TBC1D1: variants seen among roughly 807,000 people sequenced by gnomAD.
The protein encoded by TBC1D1 is TBC1 (tre-2/USP6, BUB2, cdc16) domain family, member 1.
In TBC1D1, 89 loss-of-function variants were observed where a neutral mutation model predicts 125.6. The observed-to-expected ratio is 0.71, with a 90% CI of 0.60 to 0.85. TBC1D1 has a LOEUF of 0.85. Among genes scored for constraint, TBC1D1 ranks in the 40% least tolerant of loss-of-function variants. The pLI, the probability that TBC1D1 is intolerant of heterozygous loss-of-function variation, is 0.00. For synonymous variants in TBC1D1, 565 were observed against 564.1 expected, an observed-to-expected ratio of 1.00 and a Z score of -0.02; for missense variants, 1,377 against 1,469.2, an observed-to-expected ratio of 0.94 and a Z score of 1.03.
intron 2 of TBC1D1, among the ~76,000 whole-genome samples, chr4:37,920,897 C>T (rs929561640): frequency 5.9e-5 from 9 of 151,744 alleles, no homozygotes; most frequent in Non-Finnish European, 1.2e-4. Context: ...GATCACGAGG[C>T]CAGGAGATTG....
chr4:37,964,923 G>T (rs1730786960), intron 2 of TBC1D1, among the ~76,000 whole-genome samples: 1 of 152,250 alleles, frequency 6.6e-6, no homozygotes, highest in Non-Finnish European at 1.5e-5. Context: ...AGAGCATGGT[G>T]TCTGTCTAGA....
intron 2 of TBC1D1, among the ~76,000 whole-genome samples, chr4:37,990,051 G>C (rs1736240762): frequency 6.6e-6 from 1 of 152,250 alleles, no homozygotes; most frequent in Non-Finnish European, 1.5e-5. Flanking sequence ...GTATTTTGCG[G>C]AAGTTCTTTT....
chr4:37,913,949 A>C (rs2152258446), intron 2 of TBC1D1, among the ~76,000 whole-genome samples: 1 of 152,166 alleles, frequency 6.6e-6, no homozygotes, highest in East Asian at 1.9e-4. Flanking sequence ...ATAGTTTGGC[A>C]AGAGAATGTT....
At chr4:37,914,536 A>G (rs1243259898) in intron 2 of TBC1D1, among the ~76,000 whole-genome samples, 1 of 152,206 alleles carries the variant, frequency 6.6e-6, no homozygotes, top group African/African-American at 2.4e-5. Context: ...GGACTACTGC[A>G]GTGTCTCCAA....
rs1019589726 is a variant in TBC1D1 at position 38,043,621 on chromosome 4, A to G, written c.1414-741A>G. ...AAAAAAAAAGTACCTCCTTGTAAAT[A>G]AGTAACACTAAGACTTCATTTAGTG... On this transcript the variant is annotated intron_variant, in intron 8 of 19. Transcript: ENST00000261439. 5.9e-4 allele frequency among the ~76,000 whole-genome samples: 90 copies of G among 152,134 alleles called. 1 individual carries two copies. Among genetic ancestry groups the G allele is most frequent in the Admixed American group, 5.6e-3 (85 of 15,272 alleles).
rs1056268020 is a variant in TBC1D1 at position 37,908,284 on chromosome 4, C to T, written c.417+5772C>T. ...GCAGTCGTGCAATCTTGGCTCACTG[C>T]AACCTCTGCCTACCGGGTTCAAGAG... is the stretch of plus-strand genomic sequence containing the variant. On this transcript the variant is annotated intron_variant, in intron 2 of 19. Transcript: ENST00000261439. 9.9e-5 allele frequency among the ~76,000 whole-genome samples: 15 copies of T among 152,228 alleles called. 1 individual carries two copies. Among genetic ancestry groups the T allele is most frequent in the African/African-American group, 3.6e-4 (15 of 41,528 alleles).
intron 2 of TBC1D1, among the ~76,000 whole-genome samples, chr4:37,998,562 C>T: frequency 6.6e-6 from 1 of 152,136 alleles, no homozygotes; most frequent in Non-Finnish European, 1.5e-5. Flanking sequence ...TTTCTCTGTC[C>T]CTCCCCTCCT....
At chr4:37,908,707 C>T (rs16994066) in intron 2 of TBC1D1, among the ~76,000 whole-genome samples, 8,650 of 152,126 alleles carry the variant, frequency 0.057, 442 homozygotes, top group African/African-American at 0.14. Context: ...TTCCACCCTG[C>T]TAAAAGAATC....
At chr4:38,123,082 A>G (rs919954503) in intron 17 of TBC1D1, among the ~76,000 whole-genome samples, 1 of 152,206 alleles carries the variant, frequency 6.6e-6, no homozygotes, top group Non-Finnish European at 1.5e-5. Flanking sequence ...TGCTGACAAA[A>G]GTTTCCCAGT....
intron 12 of TBC1D1, among the ~76,000 whole-genome samples, chr4:38,057,436 G>A (rs1300163422): frequency 6.6e-6 from 1 of 152,194 alleles, no homozygotes; most frequent in Non-Finnish European, 1.5e-5. Context: ...CTGCAGGCTT[G>A]ATGGCTGCTA....
At chr4:38,081,357 C>G (rs972692681) in intron 12 of TBC1D1, among the ~76,000 whole-genome samples, 1 of 152,102 alleles carries the variant, frequency 6.6e-6, no homozygotes, top group African/African-American at 2.4e-5. Flanking sequence ...AGAGGAGAGT[C>G]AGCCAGACAA....
intron 3 of TBC1D1, among the ~76,000 whole-genome samples, chr4:38,015,514 A>G (rs1742521138): frequency 1.3e-5 from 2 of 152,144 alleles, no homozygotes; most frequent in African/African-American, 4.8e-5. Context: ...AAATGCTAGA[A>G]AAGGACTGAA....
intron 2 of TBC1D1, among the ~76,000 whole-genome samples, chr4:37,971,508 C>T (rs907947771): frequency 2.0e-5 from 3 of 152,106 alleles, no homozygotes; most frequent in African/African-American, 7.2e-5. Context: ...GGAAATCACC[C>T]CCATGATTCA....
At chr4:38,099,377 T>C (rs1004118807) in intron 14 of TBC1D1, among the ~76,000 whole-genome samples, 5 of 152,146 alleles carry the variant, frequency 3.3e-5, no homozygotes, top group African/African-American at 1.2e-4. Context: ...TGCGTATACA[T>C]GGAAAAACAC....
chr4:37,967,172 A>G (rs1731225816), intron 2 of TBC1D1, among the ~76,000 whole-genome samples: 1 of 152,112 alleles, frequency 6.6e-6, no homozygotes, highest in South Asian at 2.1e-4. Context: ...TGTGTTTAAA[A>G]CTTGGCAATT....
intron 18 of TBC1D1, among the ~76,000 whole-genome samples, chr4:38,128,813 A>G (rs554300227): frequency 6.6e-6 from 1 of 152,328 alleles, no homozygotes; most frequent in East Asian, 1.9e-4. Context: ...AACCATCTAC[A>G]TCTTCTGACC....
rs182143307 is a variant in TBC1D1 at position 38,025,321 on chromosome 4, G to A, written c.1211-2467G>A. ...CATAAGCCATTTTGGCATCACCTGG[G>A]CCTCTCTGAGGAGATGCGTTCAGTG... On this transcript the variant is annotated intron_variant, in intron 6 of 19. Coordinates refer to ENST00000261439, the MANE Select transcript of TBC1D1 (RefSeq NM_015173.4). 1.1e-4 allele frequency among the ~76,000 whole-genome samples: 16 copies of A among 152,318 alleles called. No homozygotes were observed. In the East Asian group the frequency reaches 2.5e-3, roughly 24 times the overall value.
At chr4:38,040,321 G>A (rs909573205) in intron 8 of TBC1D1, among the ~76,000 whole-genome samples, 4 of 151,952 alleles carry the variant, frequency 2.6e-5, no homozygotes, top group Admixed American at 1.3e-4. Context: ...ACAGAGTCTC[G>A]CTCTGTCGCC....
At chr4:37,902,553 C>T in intron 2 of TBC1D1, 41 bp downstream of exon 2, 3 of 1,510,268 alleles carry the variant, frequency 2.0e-6, no homozygotes, top group Non-Finnish European at 2.7e-6. Flanking sequence ...GTGTGGCTGG[C>T]TGGTTTTTAT....
Sources: gnomAD v4.1 joint callset for allele counts (sites outside exome capture counted in the v4.1 genomes callset) on GRCh38, gnomAD v4.1.1 for gene constraint, MANE v1.5 for transcripts, NCBI Gene and HGNC (gene_info 2026-07-23, HGNC 2026-07-21) for gene names.